The following PLXNA4 variants were observed in gnomAD, a reference collection of about 807,000 sequenced individuals.
The protein encoded by PLXNA4 is plexin A4, also known as plexin-A4.
In PLXNA4, 44 loss-of-function variants were observed where a neutral mutation model predicts 191.8. The observed-to-expected ratio is 0.23, with a 90% CI of 0.18 to 0.29. The LOEUF (loss-of-function observed/expected upper bound fraction) is 0.29, where lower values mean the gene tolerates loss of function less well. Ranked by LOEUF, PLXNA4 falls within the 10% of genes least tolerant of loss-of-function variation. PLXNA4 has a pLI of 1.00. For missense variants in PLXNA4, 1,800 were observed against 2,488.8 expected (o/e 0.72, Z 5.89); for synonymous variants, 1,082 against 1,009.5 (o/e 1.07, Z -1.36).
chr7:132,175,598 T>G (rs1312536426), intron 20 of PLXNA4, among the ~76,000 whole-genome samples: 1 of 152,206 alleles, frequency 6.6e-6, no homozygotes, highest in Admixed American at 6.5e-5. Context: ...TGGCGGCAGC[T>G]CAGGCCTCCA....
intron 3 of PLXNA4, among the ~76,000 whole-genome samples, chr7:132,390,132 G>T (rs1028582062): frequency 6.6e-6 from 1 of 152,082 alleles, no homozygotes; most frequent in Non-Finnish European, 1.5e-5. Context: ...GTTTACTGTG[G>T]CACTGTCCAC....
At chr7:132,375,210 C>A (rs879717355) in intron 3 of PLXNA4, among the ~76,000 whole-genome samples, 9 of 152,186 alleles carry the variant, frequency 5.9e-5, no homozygotes, top group Non-Finnish European at 1.0e-4. Context: ...ACTGATCGGG[C>A]TTTCCAGGCC....
chr7:132,389,442 G>C (rs187225550), intron 3 of PLXNA4, among the ~76,000 whole-genome samples: 22 of 152,266 alleles, frequency 1.4e-4, no homozygotes, highest in Admixed American at 1.1e-3. Flanking sequence ...GTTAATTTTT[G>C]TATAAGGTGT....
intron 3 of PLXNA4, among the ~76,000 whole-genome samples, chr7:132,343,607 A>T (rs951539011): frequency 6.6e-6 from 1 of 152,192 alleles, no homozygotes; most frequent in African/African-American, 2.4e-5. Flanking sequence ...GAAGAGAGTA[A>T]GATTTGGCTT....
chr7:132,130,765 G>T (rs1005612544), intron 31 of PLXNA4, among the ~76,000 whole-genome samples, 191 bp from the exon 32 acceptor site: 2 of 152,200 alleles, frequency 1.3e-5, no homozygotes, highest in Non-Finnish European at 2.9e-5. Flanking sequence ...GGCATAGCAT[G>T]TGAGCATCAG....
intron 4 of PLXNA4, among the ~76,000 whole-genome samples, chr7:132,279,862 G>A (rs1800415094): frequency 1.3e-5 from 2 of 152,280 alleles, no homozygotes; most frequent in Middle Eastern, 3.4e-3. Flanking sequence ...CTTGAGATGG[G>A]AGCCGGACGC....
chr7:132,470,228 G>A (rs1030069124), intron 3 of PLXNA4, among the ~76,000 whole-genome samples: 1 of 152,218 alleles, frequency 6.6e-6, no homozygotes, highest in Admixed American at 6.5e-5. Flanking sequence ...GCTGACAGTT[G>A]TCTTGACCAG....
intron 2 of PLXNA4, among the ~76,000 whole-genome samples, chr7:132,500,794 C>T (rs185924715): frequency 1.4e-4 from 21 of 152,158 alleles, no homozygotes; most frequent in African/African-American, 4.6e-4. Context: ...TAGGAGCTTC[C>T]GGACTCTTTA....
chr7:132,571,661 T>G (rs1041190945), intron 1 of PLXNA4, among the ~76,000 whole-genome samples: 2 of 152,184 alleles, frequency 1.3e-5, no homozygotes, highest in Admixed American at 1.3e-4. Flanking sequence ...TTAGCTTCTA[T>G]GCTATCAAAA....
At chr7:132,575,995 G>T (rs1261713821) in intron 1 of PLXNA4, among the ~76,000 whole-genome samples, 1 of 152,164 alleles carries the variant, frequency 6.6e-6, no homozygotes, top group Non-Finnish European at 1.5e-5. Flanking sequence ...GATGACACTG[G>T]GTAGGTCTCC....
intron 28 of PLXNA4, among the ~76,000 whole-genome samples, chr7:132,145,992 A>C (rs1350025820): frequency 7.2e-6 from 1 of 138,320 alleles, no homozygotes; most frequent in Admixed American, 7.6e-5. Flanking sequence ...AGGCAGGAGG[A>C]TTGTTTGAAC....
chr7:132,409,725 C>G (rs1409168337), intron 3 of PLXNA4, among the ~76,000 whole-genome samples: 1 of 152,190 alleles, frequency 6.6e-6, no homozygotes, highest in Non-Finnish European at 1.5e-5. Flanking sequence ...GTTTCTAGAC[C>G]TGATATTCAT....
At chr7:132,616,156 C>T (rs1803154054) in intron 2 of PLXNA4, among the ~76,000 whole-genome samples, 1 of 152,190 alleles carries the variant, frequency 6.6e-6, no homozygotes, top group South Asian at 2.1e-4. Context: ...CTGACACACA[C>T]ATGGTCACCA....
At chr7:132,319,403 G>A (rs1356330658) in intron 3 of PLXNA4, among the ~76,000 whole-genome samples, 1 of 151,360 alleles carries the variant, frequency 6.6e-6, no homozygotes, top group African/African-American at 2.5e-5. Context: ...TGTGATGAGG[G>A]CTTCATCCTA....
rs1798353007 is a variant in PLXNA4, at chr7:132,227,133, G to A, written c.1882+318C>T. ...ACTGACCCGCCAAGCCAGTGGTGCA[G>A]GCTGAACTTAACCACATGTTCTGCT... On this transcript the variant is annotated intron_variant, in intron 7 of 31. Transcript: ENST00000321063. Among the ~76,000 whole-genome samples, 3 of 152,202 alleles carry A rather than the reference G, an allele frequency of 2.0e-5. 1 individual carries two copies. Among genetic ancestry groups the A allele is most frequent in the Non-Finnish European group, 2.9e-5 (2 of 68,044 alleles).
At chr7:132,209,089 AG>A (rs568638380) in intron 10 of PLXNA4, among the ~76,000 whole-genome samples, 119 of 152,352 alleles carry the variant, frequency 7.8e-4, no homozygotes, top group African/African-American at 2.5e-3. Context: ...CCAGGGCACA[AG>A]GGATCTTCTG....
At position 132,164,432 on chromosome 7, in the gene PLXNA4, C is replaced by A; in HGVS notation, c.4354-144G>T. 3.1e-6 allele frequency: 4 copies of A among 1,269,976 alleles called. No individual in the cohort carries two copies. In the South Asian group the frequency reaches 6.3e-5, roughly 20 times the overall value. The allele number at this position is 1,269,976 out of a possible 1,614,324, so 78.7% of individuals were successfully genotyped here. A position where few individuals can be genotyped will look rare whatever the true frequency, so the allele number is the denominator to read the frequency against. ...CTGCTTTTATACTCAGCTCTTCAAT[C>A]TCCTTCTCTCCATCTCCTCATCCTT... is the stretch of plus-strand genomic sequence containing the variant. On this transcript the variant is annotated intron_variant, in intron 23 of 31. Transcript: ENST00000321063.
At chr7:132,465,604 A>G (rs1245528100) in intron 3 of PLXNA4, among the ~76,000 whole-genome samples, 1 of 152,154 alleles carries the variant, frequency 6.6e-6, no homozygotes, top group Admixed American at 6.5e-5. Flanking sequence ...GCATGTGGCT[A>G]CCACACCTAA....
At chr7:132,577,161 C>T (rs1172394202), upstream of PLXNA4, 1 of 146,524 alleles carries the variant, frequency 6.8e-6, no homozygotes, top group Non-Finnish European at 1.5e-5. Flanking sequence ...AGCTCGGCCG[C>T]GGGCCGAGCC....
Sources: allele counts gnomAD v4.1 joint callset (sites outside exome capture counted in the v4.1 genomes callset), GRCh38; gene constraint gnomAD v4.1.1; transcripts MANE v1.5; gene names NCBI Gene and HGNC (gene_info 2026-07-23, HGNC 2026-07-21).